The following DNAH2 variants were observed in gnomAD, a reference collection of about 807,000 sequenced individuals.
DNAH2 encodes the protein axonemal beta dynein heavy chain 2.
Under a neutral mutation model 523.5 loss-of-function variants are expected in DNAH2, and 323 were observed. That is an observed-to-expected ratio of 0.62 (90% confidence interval 0.56 to 0.68). The LOEUF is 0.68. Among genes scored for constraint, DNAH2 ranks in the 30% least tolerant of loss-of-function variants. The pLI, the probability that DNAH2 is intolerant of heterozygous loss-of-function variation, is 0.00. For synonymous variants in DNAH2, 2,093 were observed against 2,177.4 expected, an observed-to-expected ratio of 0.96 and a Z score of 1.08; for missense variants, 4,907 against 5,701.5, an observed-to-expected ratio of 0.86 and a Z score of 4.49.
chr17:7,786,869 G>A lies in DNAH2; in HGVS notation c.6467-28G>A, dbSNP rs754850665. 1.1e-5 allele frequency: 18 copies of A among 1,613,920 alleles called. No homozygotes were observed. The South Asian group carries it at 1.6e-4, about 15-fold the overall frequency. On this transcript the variant is annotated intron_variant, in intron 41 of 85. Transcript: ENST00000572933. The surrounding 1 kb of genome is among the most constrained non-coding windows in gnomAD (Gnocchi z 7.5). ...AGGGTGCAAGGTGAGCGGCTCCCCGGTTTCCTCATCACCCACCATCTACTC... is the reference window on the plus strand; with the variant it reads ...AGGGTGCAAGGTGAGCGGCTCCCCGATTTCCTCATCACCCACCATCTACTC...
At chr17:7,775,478 G>A in intron 30 of DNAH2, 136 bp downstream of exon 30, 1 of 777,026 alleles carries the variant, frequency 1.3e-6, no homozygotes, top group East Asian at 2.8e-5. Context: ...CTGAGGTCGG[G>A]AGTTTGAGAC....
At chr17:7,762,979 CT>C (rs1036857919) in intron 18 of DNAH2, among the ~76,000 whole-genome samples, 3,693 of 142,048 alleles carry the variant, frequency 0.026, 131 homozygotes, top group African/African-American at 0.084. Context: ...CACTCTAAAG[CT>C]TTTTTTTTTT....
chr17:7,742,873 G>GA, intron 11 of DNAH2, 55 bp from the exon 12 acceptor site: 2 of 1,273,866 alleles, frequency 1.6e-6, no homozygotes, highest in Non-Finnish European at 2.0e-6. Context: ...GGAGATGGTG[G>GA]CCCCTGGAGG....
chr17:7,823,878 G>A lies in DNAH2; in HGVS notation c.11374G>A (p.Val3792Ile), dbSNP rs756045650. Reference sequence around the variant, plus strand: ...CAATGAAATGCAACGGATGCTGATCGTTCGCTCCCTGCGCCAGGACCGCGT... The same window carrying A: ...CAATGAAATGCAACGGATGCTGATCATTCGCTCCCTGCGCCAGGACCGCGT... ...ACNEMQRMLI[V>I]RSLRQDRVAF... The change falls in exon 75 of 86, where the codon GTT (valine) becomes ATT (isoleucine). Residue 3792 changes from valine (V) to isoleucine (I), a missense_variant. Physicochemically the swap from Val to Ile is conservative, Grantham distance 29. This residue lies in a region of DNAH2 where 1,851 missense variants were observed against 2,139.4 expected (regional missense o/e 0.87). Coordinates refer to ENST00000572933, the MANE Select transcript of DNAH2 (RefSeq NM_020877.5). The A allele has an allele frequency of 1.9e-5, 31 of 1,614,004 alleles. No individual in the cohort carries two copies. The highest frequency in any genetic ancestry group is 1.6e-4 in the Middle Eastern group (1 of 6,084).
chr17:7,781,042 G>T lies in DNAH2; in HGVS notation c.6004G>T (p.Val2002Phe). 6.2e-7 allele frequency: 1 copy of T among 1,613,986 alleles called. No homozygotes were observed. The highest frequency in any genetic ancestry group is 1.1e-5 in the South Asian group (1 of 91,084). Residue 2002 changes from valine to phenylalanine, a missense_variant and splice_region_variant, in exon 39 of 86, where the codon GTT becomes TTT. By Grantham distance (50) the Val-to-Phe change is conservative. Around this residue, in one of 3 missense-constraint regions of DNAH2, gnomAD observed 2,806 missense variants for 3,190.8 expected, o/e 0.88. Coordinates refer to ENST00000572933, the MANE Select transcript of DNAH2 (RefSeq NM_020877.5). Reference sequence around the variant, plus strand: ...TGAGTCTCTGTCTTTTCCCATTCAGGTTCTGCTGCTCTCAATGAGAGATAT... The same window carrying T: ...TGAGTCTCTGTCTTTTCCCATTCAGTTTCTGCTGCTCTCAATGAGAGATAT... ...RLQPDLTDEE[V>F]LLLSMRDMNI... is the part of the protein sequence containing the mutation.
In DNAH2 at chr17:7,758,510, G is replaced by A; in HGVS notation, c.2067G>A (p.Leu689=). 2 of 1,613,968 alleles carry A rather than the reference G, an allele frequency of 1.2e-6. No homozygotes were observed. Among genetic ancestry groups the A allele is most frequent in the Non-Finnish European group, 1.7e-6 (2 of 1,179,960 alleles). ...ARDYNRIIAM[L]SPDEQALFKE... is the part of the protein sequence containing the mutation. ...TTATGCACAGGATTATTGCCATGCT[G>A]TCCCCAGATGAGCAGGCCCTATTCA... is the stretch of plus-strand genomic sequence containing the variant. The change falls in exon 14 of 86, where the codon CTG becomes CTA. Residue 689 remains leucine, a synonymous_variant. Transcript: ENST00000572933.
intron 42 of DNAH2, 177 bp from the exon 43 acceptor site, chr17:7,787,683 C>T: frequency 2.6e-6 from 2 of 773,118 alleles, no homozygotes; most frequent in Non-Finnish European, 3.9e-6. Flanking sequence ...TTGCAGTCAG[C>T]CAAGATCACG....
Position 7,797,171 on chromosome 17 carries a change from C to T in DNAH2, c.7864-5C>T, listed in dbSNP as rs770994406. 3 of 1,612,908 alleles carry T rather than the reference C, an allele frequency of 1.9e-6. No homozygotes were observed. In the South Asian group the frequency reaches 3.3e-5, roughly 18 times the overall value. On this transcript the variant is annotated splice_region_variant and splice_polypyrimidine_tract_variant and intron_variant, in intron 50 of 85. Transcript: ENST00000572933. Reference sequence around the variant, plus strand: ...CCTGGTCCCAACAGTCAGTCCTCTTCCCAGGTGTTCCAGGGCATGCTTAGA... The same window carrying T: ...CCTGGTCCCAACAGTCAGTCCTCTTTCCAGGTGTTCCAGGGCATGCTTAGA...
chr17:7,798,491 A>G lies in DNAH2; in HGVS notation c.8399-67A>G. 1 of 1,594,226 alleles carries G rather than the reference A, an allele frequency of 6.3e-7. No individual in the cohort carries two copies. The highest frequency in any genetic ancestry group is 8.5e-7 in the Non-Finnish European group (1 of 1,170,446). On this transcript the variant is annotated intron_variant, in intron 54 of 85. Coordinates refer to ENST00000572933, the MANE Select transcript of DNAH2 (RefSeq NM_020877.5). The surrounding 1 kb of genome is among the most constrained non-coding windows in gnomAD (Gnocchi z 5.5). Reference sequence around the variant, plus strand: ...GGGGCGGGGAGGGTTCCTAAATCTCAGAAAAGGAATCAAGCCCAGGATGGG... The same window carrying G: ...GGGGCGGGGAGGGTTCCTAAATCTCGGAAAAGGAATCAAGCCCAGGATGGG...
chr17:7,784,135 A>G (rs1014259064), intron 39 of DNAH2, among the ~76,000 whole-genome samples: 3 of 152,216 alleles, frequency 2.0e-5, no homozygotes, highest in Non-Finnish European at 4.4e-5. Flanking sequence ...TTTCATAATA[A>G]TAAAAGTTTC....
intron 68 of DNAH2, 94 bp from the exon 69 acceptor site, chr17:7,818,218 C>A: frequency 6.3e-7 from 1 of 1,595,258 alleles, no homozygotes; most frequent in Non-Finnish European, 8.5e-7. Flanking sequence ...GGCCTTAGGA[C>A]AGGCTGAGTC....
chr17:7,745,155 C>T (rs539526215), intron 12 of DNAH2, among the ~76,000 whole-genome samples: 58 of 152,074 alleles, frequency 3.8e-4, no homozygotes, highest in African/African-American at 1.2e-3. Context: ...CCACCACGCC[C>T]GGCTAATTTT....
chr17:7,818,036 G>A lies in DNAH2; in HGVS notation c.10327G>A (p.Val3443Met), dbSNP rs531676332. The A allele has an allele frequency of 6.7e-5, 108 of 1,613,836 alleles. No homozygotes were observed. The highest frequency in any genetic ancestry group is 8.2e-5 in the Non-Finnish European group (97 of 1,180,024). ...TGGATACCCGGTGCTACTTCAGAACGTGCAGGAATATCTGGACCCCACACT... is the reference window on the plus strand; with the variant it reads ...TGGATACCCGGTGCTACTTCAGAACATGCAGGAATATCTGGACCCCACACT... ...HFGYPVLLQN[V>M]QEYLDPTLNP... Residue 3443 changes from valine to methionine, a missense_variant, in exon 68 of 86, where the codon GTG becomes ATG. Physicochemically the swap from Val to Met is conservative, Grantham distance 21. Transcript: ENST00000572933.
chr17:7,787,280 C>T (rs1322784295), intron 42 of DNAH2: 3 of 561,820 alleles, frequency 5.3e-6, no homozygotes, highest in African/African-American at 3.7e-5. Flanking sequence ...GGCGGCCCTC[C>T]TCGGCTCGTT....
rs1567649222 is a variant in DNAH2, at chr17:7,758,552, C to T, written c.2109C>T (p.Leu703=). ...CCCTATTCAAAGAGCGTATTCGGCT[C>T]CTGGATAAGAAGATCCACCCGGGAC... ...EQALFKERIR[L]LDKKIHPGLK... Residue 703 remains leucine, a synonymous_variant, in exon 14 of 86, where the codon CTC becomes CTT. Coordinates refer to ENST00000572933, the MANE Select transcript of DNAH2 (RefSeq NM_020877.5). The T allele has an allele frequency of 4.3e-6, 7 of 1,614,140 alleles. No individual in the cohort carries two copies. Among genetic ancestry groups the T allele is most frequent in the Non-Finnish European group, 3.4e-6 (4 of 1,180,032 alleles).
chr17:7,773,547 A>G (rs1214712405), intron 28 of DNAH2, among the ~76,000 whole-genome samples: 1 of 152,152 alleles, frequency 6.6e-6, no homozygotes, highest in Non-Finnish European at 1.5e-5. Flanking sequence ...CCCAATTGCC[A>G]TCAATCAGAA....
At chr17:7,795,994 A>G (rs568444109) in intron 49 of DNAH2, among the ~76,000 whole-genome samples, 7 of 146,488 alleles carry the variant, frequency 4.8e-5, no homozygotes, top group African/African-American at 1.5e-4. Flanking sequence ...GTATATATAT[A>G]TATAGTGTTA....
chr17:7,788,177 T>C lies in DNAH2; in HGVS notation c.6833T>C (p.Leu2278Pro), dbSNP rs1261888483. The C allele has an allele frequency of 3.1e-6, 5 of 1,613,434 alleles. No homozygotes were observed. Among genetic ancestry groups the C allele is most frequent in the Non-Finnish European group, 4.2e-6 (5 of 1,179,778 alleles). Residue 2278 changes from leucine to proline, a missense_variant, in exon 44 of 86, where the codon CTG becomes CCG. Transcript: ENST00000572933. ...KKDNCKELVP[L>P]PEYSGITSLC... ...GACAACTGCAAGGAGCTGGTGCCCC[T>C]GCCCGAGTACAGCGGTATCACCTCC... is the stretch of plus-strand genomic sequence containing the variant.
chr17:7,785,824 A>G (rs986851458), intron 39 of DNAH2, among the ~76,000 whole-genome samples: 1 of 152,226 alleles, frequency 6.6e-6, no homozygotes, highest in Non-Finnish European at 1.5e-5. Context: ...AATAATAACA[A>G]AAAGTGTGTA....
Sources: allele counts gnomAD v4.1 joint callset (sites outside exome capture counted in the v4.1 genomes callset), GRCh38; gene constraint gnomAD v4.1.1; regional missense constraint gnomAD v4.1.1; non-coding constraint Gnocchi (gnomAD v3.1); transcripts MANE v1.5; gene names NCBI Gene and HGNC (gene_info 2026-07-23, HGNC 2026-07-21).